SPARCL1: variants seen among roughly 807,000 people sequenced by gnomAD.
The protein encoded by SPARCL1 is SPARC-like protein 1.
A neutral mutation model predicts 67.1 loss-of-function variants in SPARCL1; 52 were observed. The observed-to-expected ratio is 0.78, with a 90% CI of 0.62 to 0.98. The LOEUF is 0.98. Among genes scored for constraint, SPARCL1 ranks in the 50% least tolerant of loss-of-function variants. The pLI, the probability that SPARCL1 is intolerant of heterozygous loss-of-function variation, is 0.00. For missense variants in SPARCL1, 717 were observed against 782.4 expected (o/e 0.92, Z 1.00); for synonymous variants, 226 against 267.8 (o/e 0.84, Z 1.52).
intron 3 of SPARCL1, among the ~76,000 whole-genome samples, 182 bp downstream of exon 3, chr4:87,494,799 C>T (rs1724548842): frequency 6.6e-6 from 1 of 152,058 alleles, no homozygotes; most frequent in Non-Finnish European, 1.5e-5. Flanking sequence ...GCAGCTCAGC[C>T]CAAGTAGTAA....
At chr4:87,495,244 T>C in intron 2 of SPARCL1, 117 bp from the exon 3 acceptor site, 1 of 812,950 alleles carries the variant, frequency 1.2e-6, no homozygotes, top group Non-Finnish European at 2.0e-6. Context: ...ATACCAACAA[T>C]TTAAAAATAT....
intron 1 of SPARCL1, among the ~76,000 whole-genome samples, chr4:87,506,836 C>T (rs1375158598): frequency 6.6e-6 from 1 of 151,886 alleles, no homozygotes; most frequent in Non-Finnish European, 1.5e-5. Context: ...TACCTACCTA[C>T]CTACCTACCT....
In SPARCL1 at chr4:87,494,269, C is replaced by T. The variant is rs773245624; in HGVS notation, c.531G>A (p.Arg177=). 6.2e-7 allele frequency: 1 copy of T among 1,614,028 alleles called. No individual in the cohort carries two copies. The highest frequency in any genetic ancestry group is 2.2e-5 in the East Asian group (1 of 44,886). ...PRNYSHHQLN[R]SSKHSQGLRD... ...TTAGGCCTTGGCTATGTTTACTGCT[C>T]CTGTTCAACTGATGATGTGAATAAT... Residue 177 remains arginine (R), a synonymous_variant, in exon 4 of 11, where the codon AGG becomes AGA. Transcript: ENST00000282470.
At chr4:87,513,246 G>A (rs1416623201) in intron 1 of SPARCL1, among the ~76,000 whole-genome samples, 1 of 152,124 alleles carries the variant, frequency 6.6e-6, no homozygotes. Context: ...AAGAAAGGAG[G>A]GACAGAATTT....
intron 1 of SPARCL1, among the ~76,000 whole-genome samples, chr4:87,517,029 T>C (rs1434993378): frequency 6.6e-6 from 1 of 152,204 alleles, no homozygotes; most frequent in Non-Finnish European, 1.5e-5. Context: ...CCCTGTCCTG[T>C]GTTATAGTGG....
chr4:87,491,883 T>C (rs1229987513), intron 4 of SPARCL1, among the ~76,000 whole-genome samples, 193 bp from the exon 5 acceptor site: 1 of 149,312 alleles, frequency 6.7e-6, no homozygotes, highest in East Asian at 2.0e-4. Flanking sequence ...GGTGGGAGGA[T>C]CACTTGAGCC....
chr4:87,517,288 A>G (rs1451043614), intron 1 of SPARCL1, among the ~76,000 whole-genome samples: 1 of 152,140 alleles, frequency 6.6e-6, no homozygotes, highest in East Asian at 1.9e-4. Flanking sequence ...AAAGTTCTAG[A>G]CTTGATTTTG....
intron 10 of SPARCL1, among the ~76,000 whole-genome samples, chr4:87,475,066 A>G (rs970106694): frequency 4.6e-5 from 7 of 152,190 alleles, no homozygotes; most frequent in Non-Finnish European, 2.9e-5. Context: ...GAGCAAATGA[A>G]TGAGTAAATG....
At position 87,503,696 on chromosome 4, in the gene SPARCL1, T is replaced by A. The variant is rs75441555; in HGVS notation, c.-11-4111A>T. Among the ~76,000 whole-genome samples, 20 of 150,850 alleles carry A rather than the reference T, an allele frequency of 1.3e-4. 1 individual carries two copies. The South Asian group carries it at 3.4e-3, about 26-fold the overall frequency. On this transcript the variant is annotated intron_variant, in intron 1 of 10. Transcript: ENST00000282470. ...TTTTTTTTTTTCCTTTTTTTTTTTT[T>A]AATACAGAGTCTTGCTCTGTTGCCC... is the stretch of plus-strand genomic sequence containing the variant.
In SPARCL1 at chr4:87,493,780, A is replaced by G. The variant is rs779600970; in HGVS notation, c.1020T>C (p.Asp340=). The change falls in exon 4 of 11, where the codon GAT becomes GAC. Residue 340 remains aspartate (D), a synonymous_variant. Coordinates refer to ENST00000282470, the MANE Select transcript of SPARCL1 (RefSeq NM_004684.6). ...CGCCATCATCGCCATCATCATCGCC[A>G]TCATCATCAACTCCATGATTTCTGG... is the stretch of plus-strand genomic sequence containing the variant. ...TTPRNHGVDD[D]GDDDGDDGGT... The G allele has an allele frequency of 1.2e-6, 2 of 1,614,036 alleles. No homozygotes were observed. Among genetic ancestry groups the G allele is most frequent in the East Asian group, 4.5e-5 (2 of 44,874 alleles).
At position 87,482,707 on chromosome 4, in the gene SPARCL1, G is replaced by A. The variant is rs1723882966; in HGVS notation, c.1532-147C>T. ...ATGACAGTGGTCCTCAGCCCTGGCA[G>A]CAGCACAACAAAATTGCCTGGGGTT... On this transcript the variant is annotated intron_variant, in intron 7 of 10. Transcript: ENST00000282470. 7 of 754,216 alleles carry A rather than the reference G, an allele frequency of 9.3e-6. No individual in the cohort carries two copies. The South Asian group carries it at 9.4e-5, about 10-fold the overall frequency. The allele number at this position is 754,216 out of a possible 1,614,324, so 46.7% of individuals were successfully genotyped here. A position where few individuals can be genotyped will look rare whatever the true frequency, so the allele number is the denominator to read the frequency against.
intron 1 of SPARCL1, among the ~76,000 whole-genome samples, chr4:87,503,684 T>TC (rs1485200951): frequency 1.1e-4 from 14 of 127,130 alleles, no homozygotes; most frequent in Non-Finnish European, 6.5e-5. Flanking sequence ...TTTTTTTTCC[T>TC]TTTTTTTTTT....
chr4:87,516,898 C>T (rs1040664899), intron 1 of SPARCL1, among the ~76,000 whole-genome samples: 7 of 152,140 alleles, frequency 4.6e-5, no homozygotes, highest in African/African-American at 7.2e-5. Flanking sequence ...TCTTATCATA[C>T]CACTCACTAA....
intron 1 of SPARCL1, among the ~76,000 whole-genome samples, chr4:87,511,385 G>C (rs937432157): frequency 6.6e-6 from 1 of 152,184 alleles, no homozygotes; most frequent in African/African-American, 2.4e-5. Context: ...GGTTTTAGAA[G>C]ACAGACGGTG....
At chr4:87,496,033 G>A (rs560735215) in intron 2 of SPARCL1, among the ~76,000 whole-genome samples, 2 of 151,770 alleles carry the variant, frequency 1.3e-5, no homozygotes, top group East Asian at 2.1e-4. Context: ...TTAGAGGGAT[G>A]GTCCTATTTC....
chr4:87,478,403 G>A lies in SPARCL1; in HGVS notation c.1966+1027C>T, dbSNP rs545513478. Among the ~76,000 whole-genome samples, 152 of 151,670 alleles carry A rather than the reference G, an allele frequency of 1.0e-3. 4 individuals carry two copies. In the South Asian group the frequency reaches 0.029, roughly 29 times the overall value. On this transcript the variant is annotated intron_variant, in intron 10 of 10. Transcript: ENST00000282470. The stretch of plus-strand genomic sequence containing the variant: ...TGTGTGTGTGTGTGGTGAGAATTGC[G>A]AGTAGATTTGAATGCTCATTGTTTG...
intron 10 of SPARCL1, among the ~76,000 whole-genome samples, chr4:87,478,319 G>A (rs1723662124): frequency 6.6e-6 from 1 of 151,988 alleles, no homozygotes. Context: ...TATATACCTT[G>A]TGGAATGGTT....
At chr4:87,486,655 T>C (rs1724070406) in intron 7 of SPARCL1, among the ~76,000 whole-genome samples, 1 of 151,996 alleles carries the variant, frequency 6.6e-6, no homozygotes, top group Non-Finnish European at 1.5e-5. Context: ...ATTTTGACAG[T>C]GGGGTTTTAA....
intron 2 of SPARCL1, among the ~76,000 whole-genome samples, chr4:87,495,937 CA>C (rs555310926): frequency 6.6e-6 from 1 of 151,504 alleles, no homozygotes; most frequent in East Asian, 1.9e-4. Flanking sequence ...ATCTCAAAAA[CA>C]AAAAAAATTA....
Sources: allele counts gnomAD v4.1 joint callset (sites outside exome capture counted in the v4.1 genomes callset), GRCh38; gene constraint gnomAD v4.1.1; transcripts MANE v1.5; gene names NCBI Gene and HGNC (gene_info 2026-07-23, HGNC 2026-07-21).